Variants in TJP1 observed in about 807,000 individuals in gnomAD.
TJP1 encodes the protein tight junction protein 1.
TJP1 carries 43 observed loss-of-function variants against 194.2 expected under a neutral mutation model. The ratio of observed to expected loss-of-function variants is 0.22; its 90% confidence interval spans 0.17 to 0.29. The LOEUF is 0.29. TJP1 is among the 10% of genes least tolerant of loss of function. The pLI is 1.00. For missense variants in TJP1, 1,971 were observed against 2,185.7 expected, an observed-to-expected ratio of 0.90 and a Z score of 1.96; for synonymous variants, 801 against 779.0, an observed-to-expected ratio of 1.03 and a Z score of -0.47.
intron 2 of TJP1, among the ~76,000 whole-genome samples, chr15:29,873,173 C>A (rs891475434): frequency 4.5e-4 from 69 of 152,240 alleles, no homozygotes; most frequent in African/African-American, 1.6e-3. Context: ...AAATTCTGTC[C>A]CTGAAGGGCA....
intron 1 of TJP1, among the ~76,000 whole-genome samples, chr15:29,803,309 G>C (rs180691542): frequency 1.3e-5 from 2 of 152,218 alleles, no homozygotes; most frequent in East Asian, 3.9e-4. Flanking sequence ...CTGACTTTAC[G>C]ATGGTACCCA....
chr15:29,818,466 G>A (rs2050088614), intron 1 of TJP1, among the ~76,000 whole-genome samples: 1 of 152,164 alleles, frequency 6.6e-6, no homozygotes. Context: ...TTCTGACTGC[G>A]AACGCAGACG....
In TJP1 at chr15:29,779,624, C is replaced by T. The variant is rs562101657; in HGVS notation, c.85-6267G>A. ...CAAAGTGGTTCACGAAGTTAGTGAA[C>T]CTCAACAAGTATTTGATTGATTATT... On this transcript the variant is annotated intron_variant, in intron 2 of 27. Coordinates refer to ENST00000614355, the MANE Select transcript of TJP1 (RefSeq NM_001330239.4). Among the ~76,000 whole-genome samples the T allele has an allele frequency of 2.8e-4, 43 of 152,330 alleles. 1 individual carries two copies. The South Asian group carries it at 8.3e-3, about 29-fold the overall frequency.
rs891441999 is a variant in TJP1, at chr15:29,832,425, G to A, written c.307-31723C>T. ...TCTAGCTGTCTGAGCCAGATTTGCC[G>A]ACGCACAGAATCATGATTGTTTTTT... is the stretch of plus-strand genomic sequence containing the variant. On this transcript the variant is annotated intron_variant, in intron 2 of 28. Transcript: ENST00000356107. Among the ~76,000 whole-genome samples, 26 of 152,288 alleles carry A rather than the reference G, an allele frequency of 1.7e-4. No individual in the cohort carries two copies. The South Asian group carries it at 2.3e-3, about 13-fold the overall frequency.
intron 2 of TJP1, among the ~76,000 whole-genome samples, chr15:29,836,054 A>G (rs1450753006): frequency 6.6e-6 from 1 of 152,174 alleles, no homozygotes; most frequent in African/African-American, 2.4e-5. Flanking sequence ...ATTCAAGAAT[A>G]CATTTAACTT....
intron 10 of TJP1, among the ~76,000 whole-genome samples, chr15:29,740,646 CCAAA>C (rs2044352341): frequency 6.6e-6 from 1 of 151,666 alleles, no homozygotes; most frequent in Non-Finnish European, 1.5e-5. Flanking sequence ...AAAAAACTAA[CCAAA>C]CAAACAAAAA....
chr15:29,839,171 T>A (rs571696276), intron 2 of TJP1, among the ~76,000 whole-genome samples: 1 of 151,892 alleles, frequency 6.6e-6, no homozygotes, highest in South Asian at 2.1e-4. Context: ...GCTAATCTTT[T>A]GTATTTTTAC....
chr15:29,734,244 T>C (rs1031984459), intron 12 of TJP1, 30 bp downstream of exon 12: 5 of 1,489,938 alleles, frequency 3.4e-6, no homozygotes, highest in Non-Finnish European at 4.6e-6. Context: ...TCTACAGGTT[T>C]ATCTCCTCCA....
intron 1 of TJP1, among the ~76,000 whole-genome samples, chr15:29,812,470 T>C (rs559611330): frequency 2.6e-5 from 4 of 152,200 alleles, no homozygotes; most frequent in African/African-American, 9.7e-5. Context: ...AACAATCAGC[T>C]GGGGCTGAGC....
chr15:29,957,708 C>T (rs1019606493), intron 1 of TJP1, among the ~76,000 whole-genome samples: 8 of 152,174 alleles, frequency 5.3e-5, no homozygotes, highest in East Asian at 1.9e-4. Context: ...CCAAACCATA[C>T]AGCAATGAAC....
chr15:29,721,968 A>C (rs1215910052), intron 18 of TJP1, among the ~76,000 whole-genome samples: 1 of 152,266 alleles, frequency 6.6e-6, no homozygotes, highest in Non-Finnish European at 1.5e-5. Flanking sequence ...CAAAGCATTC[A>C]AGATGCGACC....
chr15:29,798,117 C>T (rs374422477), intron 2 of TJP1, among the ~76,000 whole-genome samples: 57 of 152,160 alleles, frequency 3.7e-4, no homozygotes, highest in African/African-American at 1.3e-3. Flanking sequence ...GGACTACAGG[C>T]GCCTGCCACC....
At chr15:29,874,783 C>T (rs952879310) in intron 2 of TJP1, among the ~76,000 whole-genome samples, 4 of 152,032 alleles carry the variant, frequency 2.6e-5, no homozygotes, top group African/African-American at 4.8e-5. Flanking sequence ...TTTTAAACAC[C>T]ACAACTTAAT....
intron 10 of TJP1, among the ~76,000 whole-genome samples, chr15:29,740,594 G>A (rs569878983): frequency 1.3e-5 from 2 of 151,616 alleles, no homozygotes; most frequent in Admixed American, 6.6e-5. Context: ...ATTGCACCAC[G>A]GCACTCCAGC....
intron 2 of TJP1, among the ~76,000 whole-genome samples, chr15:29,917,743 G>A (rs1219054775): frequency 1.3e-5 from 2 of 152,208 alleles, no homozygotes; most frequent in Admixed American, 6.5e-5. Context: ...GACCTGCAGA[G>A]ACAGTTTCTC....
chr15:29,935,321 C>A (rs186027438), intron 2 of TJP1, among the ~76,000 whole-genome samples: 1 of 152,314 alleles, frequency 6.6e-6, no homozygotes. Context: ...TTTGTATTCA[C>A]CTCCTCTGTT....
intron 2 of TJP1, among the ~76,000 whole-genome samples, chr15:29,790,301 T>C (rs1304664445): frequency 6.6e-6 from 1 of 152,230 alleles, no homozygotes; most frequent in East Asian, 1.9e-4. Context: ...TACCATTCTG[T>C]AGCCTCAGAG....
chr15:29,828,307 C>T (rs1485439714), intron 2 of TJP1, among the ~76,000 whole-genome samples: 3 of 152,074 alleles, frequency 2.0e-5, no homozygotes, highest in Non-Finnish European at 1.5e-5. Context: ...TCTGCTTCAT[C>T]ATTTTAAAAT....
chr15:29,814,343 G>A (rs886910929), intron 1 of TJP1, among the ~76,000 whole-genome samples: 1 of 152,124 alleles, frequency 6.6e-6, no homozygotes, highest in African/African-American at 2.4e-5. Flanking sequence ...TCATTACAGC[G>A]TATAGCAGTT....
Sources: gnomAD v4.1 joint callset for allele counts (sites outside exome capture counted in the v4.1 genomes callset) on GRCh38, gnomAD v4.1.1 for gene constraint, MANE v1.5 for transcripts, NCBI Gene and HGNC (gene_info 2026-07-23, HGNC 2026-07-21) for gene names.